SHROOM3: variants seen among roughly 807,000 people sequenced by gnomAD.
SHROOM3 encodes shroom family member 3, also known as protein Shroom3.
In SHROOM3, 47 loss-of-function variants were observed where a neutral mutation model predicts 138.6. The ratio of observed to expected loss-of-function variants is 0.34; its 90% confidence interval spans 0.27 to 0.43. The LOEUF is 0.43. SHROOM3 is among the 20% of genes least tolerant of loss of function. The probability of loss-of-function intolerance (pLI) is 1.00; values close to 1 mark genes in which losing one functional copy is unlikely to be tolerated. For missense variants in SHROOM3, 2,491 were observed against 2,596.5 expected, an observed-to-expected ratio of 0.96 and a Z score of 0.88; for synonymous variants, 1,062 against 1,063.3, an observed-to-expected ratio of 1.00 and a Z score of 0.02.
At chr4:76,654,377 A>T (rs1560581275) in intron 2 of SHROOM3, among the ~76,000 whole-genome samples, 2 of 152,074 alleles carry the variant, frequency 1.3e-5, no homozygotes. Flanking sequence ...AGGAAGTGAC[A>T]TGTTTTTGTT....
At chr4:76,502,164 TC>T (rs1484005838) in intron 1 of SHROOM3, among the ~76,000 whole-genome samples, 1 of 151,944 alleles carries the variant, frequency 6.6e-6, no homozygotes, top group African/African-American at 2.4e-5. Context: ...CTCTCCAGAG[TC>T]CCCGCCATCA....
chr4:76,566,850 G>A (rs570372709), intron 2 of SHROOM3, among the ~76,000 whole-genome samples: 1 of 152,356 alleles, frequency 6.6e-6, no homozygotes, highest in South Asian at 2.1e-4. Context: ...TCATGGTTCT[G>A]TTGCTTTGGG....
intron 2 of SHROOM3, among the ~76,000 whole-genome samples, chr4:76,606,383 T>A (rs1396948757): frequency 6.6e-6 from 1 of 152,082 alleles, no homozygotes; most frequent in East Asian, 1.9e-4. Context: ...TGGTGCATGT[T>A]AGCTACTCTG....
At chr4:76,766,881 C>T (rs984143924) in intron 9 of SHROOM3, among the ~76,000 whole-genome samples, 2 of 152,196 alleles carry the variant, frequency 1.3e-5, no homozygotes, top group South Asian at 2.1e-4. Context: ...TGTGGCTGAG[C>T]CATGAGATAT....
Position 76,730,827 on chromosome 4 carries a change from C to G in SHROOM3, c.479C>G (p.Pro160Arg), listed in dbSNP as rs527778041. The G allele has an allele frequency of 5.0e-6, 8 of 1,614,092 alleles. No individual in the cohort carries two copies. In the South Asian group the frequency reaches 8.8e-5, roughly 18 times the overall value. The stretch of plus-strand genomic sequence containing the variant: ...AGGCGCAGTGAGCCTGCAGGCCGAC[C>G]TCACTCGTGGCACACAACTAAATCT... ...KHRRSEPAGR[P>R]HSWHTTKSGE... The change falls in exon 4 of 11, where the codon CCT (proline) becomes CGT (arginine). Residue 160 changes from proline (P) to arginine (R), a missense_variant. Pro to Arg is a moderately radical substitution (Grantham distance 103). This residue lies in a region of SHROOM3 where 284 missense variants were observed against 322.8 expected (regional missense o/e 0.88). Transcript: ENST00000296043.
At position 76,740,385 on chromosome 4, in the gene SHROOM3, A is replaced by T; in HGVS notation, c.2212A>T (p.Thr738Ser). 4 of 1,613,018 alleles carry T rather than the reference A, an allele frequency of 2.5e-6. No individual in the cohort carries two copies. Among genetic ancestry groups the T allele is most frequent in the Non-Finnish European group, 3.4e-6 (4 of 1,179,974 alleles). ...RTGASASFNSTDPSPEEPPAP... is the reference protein window; with the variant it reads ...RTGASASFNSSDPSPEEPPAP... ...CGGTGCCTCGGCTTCTTTCAACAGCACAGACCCAAGTCCCGAAGAGCCGCC... is the reference window on the plus strand; with the variant it reads ...CGGTGCCTCGGCTTCTTTCAACAGCTCAGACCCAAGTCCCGAAGAGCCGCC... The change falls in exon 5 of 11, where the codon ACA becomes TCA. Residue 738 changes from threonine (T) to serine (S), a missense_variant. Thr to Ser is a moderately conservative substitution (Grantham distance 58). This residue lies in a region of SHROOM3 where 1,733 missense variants were observed against 1,661.6 expected (regional missense o/e 1.04). Coordinates refer to ENST00000296043, the MANE Select transcript of SHROOM3 (RefSeq NM_020859.4). This position sits in a 1 kb window ranked among gnomAD's most constrained non-coding sequence, Gnocchi z 4.0.
rs1411767174 is a variant in SHROOM3, at chr4:76,741,573, G to A, written c.3400G>A (p.Ala1134Thr). Residue 1134 changes from alanine (A) to threonine (T), a missense_variant, in exon 5 of 11, where the codon GCC becomes ACC. By Grantham distance (58) the Ala-to-Thr change is moderately conservative. This residue lies in a region of SHROOM3 where 1,733 missense variants were observed against 1,661.6 expected (regional missense o/e 1.04). Coordinates refer to ENST00000296043, the MANE Select transcript of SHROOM3 (RefSeq NM_020859.4). This position sits in a 1 kb window ranked among gnomAD's most constrained non-coding sequence, Gnocchi z 6.2. ...CGCGGCGCTCGAAGGCTCCGGCCTC[G>A]CCTCGGCCTCCAGCTTGAGCTCACT... ...GPAALEGSGLASASSLSSLRE... is the reference protein window; with the variant it reads ...GPAALEGSGLTSASSLSSLRE... 13 of 1,543,052 alleles carry A rather than the reference G, an allele frequency of 8.4e-6. No individual in the cohort carries two copies. The highest frequency in any genetic ancestry group is 8.7e-6 in the Non-Finnish European group (10 of 1,150,574).
intron 2 of SHROOM3, chr4:76,689,054 G>A (rs1719419926): frequency 6.6e-6 from 4 of 610,514 alleles, no homozygotes; most frequent in African/African-American, 6.1e-5. Context: ...TGAAAAGCGA[G>A]CGCGGGCTTC....
At chr4:76,464,535 A>C (rs1731210764) in intron 1 of SHROOM3, among the ~76,000 whole-genome samples, 1 of 152,106 alleles carries the variant, frequency 6.6e-6, no homozygotes, top group Non-Finnish European at 1.5e-5. Flanking sequence ...GGGAAGGCAT[A>C]ATTATGTTTT....
chr4:76,608,842 C>T (rs1343544764), intron 2 of SHROOM3, among the ~76,000 whole-genome samples: 5 of 152,150 alleles, frequency 3.3e-5, no homozygotes, highest in Non-Finnish European at 7.3e-5. Context: ...GAATCCATTT[C>T]TCCCTCAGTA....
At chr4:76,706,203 C>T (rs1720045384) in intron 2 of SHROOM3, among the ~76,000 whole-genome samples, 2 of 152,124 alleles carry the variant, frequency 1.3e-5, no homozygotes, top group Admixed American at 6.5e-5. Context: ...CAACCTCTAC[C>T]TCCCGGGTTC....
intron 2 of SHROOM3, among the ~76,000 whole-genome samples, chr4:76,585,350 A>G (rs917055837): frequency 6.6e-5 from 10 of 152,190 alleles, no homozygotes; most frequent in African/African-American, 1.7e-4. Context: ...AGGAAAATAC[A>G]TTTACATACC....
chr4:76,457,916 C>A (rs1038549269), intron 1 of SHROOM3, among the ~76,000 whole-genome samples: 1 of 152,096 alleles, frequency 6.6e-6, no homozygotes, highest in African/African-American at 2.4e-5. Flanking sequence ...CTGCCTCGGC[C>A]TCCCAAAGTG....
At position 76,783,012 on chromosome 4, in the gene SHROOM3, T is replaced by C. The variant is rs2109803452; in HGVS notation, c.*3835T>C. 6.6e-6 allele frequency: 1 copy of C among 152,316 alleles called. No individual in the cohort carries two copies. The highest frequency in any genetic ancestry group is 1.5e-5 in the Non-Finnish European group (1 of 68,024). The allele number at this position is 152,316 out of a possible 1,614,324, so 9.4% of individuals were successfully genotyped here. A position where few individuals can be genotyped will look rare whatever the true frequency, so the allele number is the denominator to read the frequency against. ...ATCTGCATCAGAATCCTTGGAATGC[T>C]TGTTAAAAATACCAATTGCTATGAC... On this transcript the variant is annotated 3_prime_UTR_variant, in exon 11 of 11. Transcript: ENST00000296043.
intron 9 of SHROOM3, among the ~76,000 whole-genome samples, chr4:76,767,834 A>G (rs1441179167): frequency 6.6e-6 from 1 of 152,234 alleles, no homozygotes; most frequent in Non-Finnish European, 1.5e-5. Flanking sequence ...ATTAATAGAA[A>G]TAATGAAAAA....
chr4:76,769,261 C>G (rs1482013589), intron 9 of SHROOM3, among the ~76,000 whole-genome samples: 1 of 149,640 alleles, frequency 6.7e-6, no homozygotes, highest in Non-Finnish European at 1.5e-5. Flanking sequence ...TATATACACA[C>G]ACACCAATTA....
chr4:76,673,818 A>G (rs1718952380), intron 2 of SHROOM3, among the ~76,000 whole-genome samples: 1 of 152,178 alleles, frequency 6.6e-6, no homozygotes, highest in Non-Finnish European at 1.5e-5. Flanking sequence ...CTGAAACTCT[A>G]TATCCATTAA....
At chr4:76,611,105 T>A (rs1734751783) in intron 2 of SHROOM3, among the ~76,000 whole-genome samples, 1 of 152,110 alleles carries the variant, frequency 6.6e-6, no homozygotes, top group Non-Finnish European at 1.5e-5. Flanking sequence ...CCATTTTAAG[T>A]GTATAATTTG....
intron 1 of SHROOM3, among the ~76,000 whole-genome samples, chr4:76,531,218 T>A (rs1013024587): frequency 1.3e-5 from 2 of 152,154 alleles, no homozygotes; most frequent in African/African-American, 4.8e-5. Flanking sequence ...ACGTGAGCAT[T>A]TGTCCTGTGT....
Sources: allele counts gnomAD v4.1 joint callset (sites outside exome capture counted in the v4.1 genomes callset), GRCh38; gene constraint gnomAD v4.1.1; regional missense constraint gnomAD v4.1.1; non-coding constraint Gnocchi (gnomAD v3.1); transcripts MANE v1.5; gene names NCBI Gene and HGNC (gene_info 2026-07-23, HGNC 2026-07-21).